Variants in CP observed in about 807,000 individuals in gnomAD.
CP encodes the protein caeruloplasmin.
A neutral mutation model predicts 122.4 loss-of-function variants in CP; 64 were observed. The ratio of observed to expected loss-of-function variants is 0.52; its 90% CI spans 0.43 to 0.64. CP has a LOEUF of 0.64. Among genes scored for constraint, CP ranks in the 30% least tolerant of loss-of-function variants. The pLI is 0.00. For synonymous variants in CP, 440 were observed against 436.4 expected, an observed-to-expected ratio of 1.01 and a Z score of -0.10; for missense variants, 1,167 against 1,284.4, an observed-to-expected ratio of 0.91 and a Z score of 1.40.
Position 149,167,125 on chromosome 3 carries a change from A to G in CP, c.587-1075T>C, listed in dbSNP as rs1724502645. 6.2e-7 allele frequency: 1 copy of G among 1,613,840 alleles called. No homozygotes were observed. Among genetic ancestry groups the G allele is most frequent in the African/African-American group, 1.3e-5 (1 of 75,040 alleles). On this transcript the variant is annotated intron_variant, in intron 4 of 5. Transcript: ENST00000479771. ...GACACTATTGCCGGCCTCAGTGTCCATGTTCTGTGTCGTACACGCTTGAAA... is the reference window on the plus strand; with the variant it reads ...GACACTATTGCCGGCCTCAGTGTCCGTGTTCTGTGTCGTACACGCTTGAAA...
chr3:149,171,482 A>G (rs1724983639), downstream of CP, among the ~76,000 whole-genome samples: 1 of 152,192 alleles, frequency 6.6e-6, no homozygotes, highest in South Asian at 2.1e-4. Flanking sequence ...TATTCAAATG[A>G]TTGTACTTTT....
chr3:149,217,615 C>T (rs937569319), intron 1 of CP, among the ~76,000 whole-genome samples: 2 of 152,208 alleles, frequency 1.3e-5, no homozygotes, highest in African/African-American at 2.4e-5. Context: ...CACCCAATTG[C>T]TGTGGCTGAA....
intron 1 of CP, among the ~76,000 whole-genome samples, chr3:149,217,589 G>T (rs550065137): frequency 9.9e-5 from 15 of 152,260 alleles, no homozygotes; most frequent in African/African-American, 3.6e-4. Context: ...TGACAGAACT[G>T]CTTGTGGTCT....
chr3:149,178,567 T>C lies in CP; in HGVS notation c.2726A>G (p.Asn909Ser), dbSNP rs752627730. ...GGCAAATTCCAGTTTCCTTCTGGGA[T>C]TGAATACTTTCAAGTAAGGTCTTCG... is the stretch of plus-strand genomic sequence containing the variant. Reference protein sequence around the residue: ...VCRRPYLKVFNPRRKLEFALL... With the variant: ...VCRRPYLKVFSPRRKLEFALL... Residue 909 changes from asparagine (N) to serine (S), a missense_variant, in exon 16 of 19, where the codon AAT becomes AGT. Asn to Ser is a conservative substitution (Grantham distance 46). This residue lies in a region of CP where 525 missense variants were observed against 657.2 expected (regional missense o/e 0.80). Transcript: ENST00000264613. 9 of 1,613,576 alleles carry C rather than the reference T, an allele frequency of 5.6e-6. No homozygotes were observed. Among genetic ancestry groups the C allele is most frequent in the Non-Finnish European group, 7.6e-6 (9 of 1,179,698 alleles).
Position 149,181,986 on chromosome 3 carries a change from CCCCCG to C in CP, c.2554+14_2554+18del. ...AGCCTGTTAAAATGCACCACCCCCA[CCCCCG>C]CCCCCGTGAGTACCTGGTAATGTTG... On this transcript the variant is annotated intron_variant, in intron 14 of 18. Transcript: ENST00000264613. 1.7e-6 allele frequency: 1 copy of C among 586,878 alleles called. No individual in the cohort carries two copies. Among genetic ancestry groups the C allele is most frequent in the Non-Finnish European group, 3.1e-6 (1 of 319,262 alleles). 36.4% of individuals were successfully genotyped at this position (586,878 alleles called of 1,614,324 possible). A position where few individuals can be genotyped will look rare whatever the true frequency, so the allele number is the denominator to read the frequency against.
At chr3:149,176,543 G>T (rs1576725942) in intron 17 of CP, 131 bp from the exon 18 acceptor site, 1 of 734,582 alleles carries the variant, frequency 1.4e-6, no homozygotes, top group East Asian at 2.7e-5. Flanking sequence ...GCTCGTTTCT[G>T]TGTTTAATAC....
intron 9 of CP, 102 bp downstream of exon 9, chr3:149,198,265 A>C: frequency 1.1e-6 from 1 of 894,686 alleles, no homozygotes; most frequent in Non-Finnish European, 1.8e-6. Flanking sequence ...GGTATATACT[A>C]AAGTATTTTT....
At chr3:149,179,037 G>A (rs191436307) in intron 15 of CP, among the ~76,000 whole-genome samples, 2 of 152,076 alleles carry the variant, frequency 1.3e-5, no homozygotes, top group Non-Finnish European at 1.5e-5. Context: ...ACAAATACCA[G>A]ATTTACTCAT....
downstream of CP, among the ~76,000 whole-genome samples, chr3:149,169,038 CGTGTGTGT>C (rs34076994): frequency 6.7e-6 from 1 of 149,702 alleles, no homozygotes; most frequent in Non-Finnish European, 1.5e-5. Flanking sequence ...TGTGTGCATA[CGTGTGTGT>C]GTGTGTGTGT....
At chr3:149,203,306 CA>C (rs11347585) in intron 6 of CP, among the ~76,000 whole-genome samples, 30,583 of 152,024 alleles carry the variant, frequency 0.2, 3,204 homozygotes, top group South Asian at 0.24. Flanking sequence ...CTCTCTTGCC[CA>C]AGCTGGAGTG....
At chr3:149,194,795 C>G in intron 9 of CP, among the ~76,000 whole-genome samples, 1 of 152,046 alleles carries the variant, frequency 6.6e-6, no homozygotes, top group Non-Finnish European at 1.5e-5. Context: ...CACTATCAAG[C>G]CTTTTTTCTG....
intron 1 of CP, among the ~76,000 whole-genome samples, chr3:149,218,638 C>T (rs1053127726): frequency 6.6e-6 from 1 of 152,134 alleles, no homozygotes; most frequent in African/African-American, 2.4e-5. Context: ...ATGAATCTCT[C>T]CACATGAGGA....
chr3:149,210,906 T>A (rs908634292), intron 2 of CP, among the ~76,000 whole-genome samples: 46 of 152,142 alleles, frequency 3.0e-4, no homozygotes, highest in African/African-American at 9.4e-4. Flanking sequence ...ATCCCCAGTA[T>A]CATCAAATTA....
rs779853634 is a variant in CP at position 149,198,396 on chromosome 3, T to C, written c.1684A>G (p.Lys562Glu). 17 of 1,614,006 alleles carry C rather than the reference T, an allele frequency of 1.1e-5. No homozygotes were observed. The East Asian group carries it at 3.8e-4, about 36-fold the overall frequency. ...GLIGPMKICK[K>E]GSLHANGRQK... ...CTCCCATTTGCATGTAAACTTCCTT[T>C]CTTGCATATTTTCATTGGCCCAATA... is the stretch of plus-strand genomic sequence containing the variant. Residue 562 changes from lysine (K) to glutamate (E), a missense_variant, in exon 9 of 19, where the codon AAA becomes GAA. Lys to Glu is a moderately conservative substitution (Grantham distance 56). Around this residue, in one of 2 missense-constraint regions of CP, gnomAD observed 525 missense variants for 657.2 expected, o/e 0.80. Transcript: ENST00000264613.
At position 149,210,305 on chromosome 3, in the gene CP, A is replaced by G. The variant is rs1428076937; in HGVS notation, c.469T>C (p.Tyr157His). The G allele has an allele frequency of 6.2e-7, 1 of 1,614,108 alleles. No individual in the cohort carries two copies. Among genetic ancestry groups the G allele is most frequent in the Non-Finnish European group, 8.5e-7 (1 of 1,179,968 alleles). ...DKVYPGEQYT[Y>H]MLLATEEQSP... is the part of the protein sequence containing the mutation. The stretch of plus-strand genomic sequence containing the variant: ...TGTTCTTCAGTGGCAAGCAACATGT[A>G]TGTATACTGCTCTCCTGGATATACT... Residue 157 changes from tyrosine to histidine, a missense_variant, in exon 3 of 19, where the codon TAC becomes CAC. By Grantham distance (83) the Tyr-to-His change is moderately conservative (BLOSUM62 2). This residue lies in a region of CP where 642 missense variants were observed against 627.3 expected (regional missense o/e 1.02). Transcript: ENST00000264613.
chr3:149,163,679 TC>T (rs1441485370), intron 5 of CP, among the ~76,000 whole-genome samples: 1 of 152,212 alleles, frequency 6.6e-6, no homozygotes, highest in African/African-American at 2.4e-5. Flanking sequence ...TGAAATATTT[TC>T]CAGGGGAAAA....
At chr3:149,212,818 C>T in intron 1 of CP, 120 bp from the exon 2 acceptor site, 1 of 1,263,090 alleles carries the variant, frequency 7.9e-7, no homozygotes, top group Non-Finnish European at 1.1e-6. Flanking sequence ...TGAATGTTTG[C>T]CTGTTGTAGG....
intron 5 of CP, among the ~76,000 whole-genome samples, chr3:149,165,518 G>A (rs1217001440): frequency 6.6e-6 from 1 of 150,976 alleles, no homozygotes; most frequent in Non-Finnish European, 1.5e-5. Context: ...TCACTCTATT[G>A]CCCAGATTGG....
rs749093380 is a variant in CP, at chr3:149,198,443, G to A, written c.1637C>T (p.Thr546Ile). Residue 546 changes from threonine (T) to isoleucine (I), a missense_variant, in exon 9 of 19, where the codon ACT becomes ATT. Transcript: ENST00000264613. ...AKMYYSAVEP[T>I]KDIFTGLIGP... ...AATAAGCCCAGTGAATATATCTTTAGTGGGTTCCACAGCAGAATAATACAT... is the reference window on the plus strand; with the variant it reads ...AATAAGCCCAGTGAATATATCTTTAATGGGTTCCACAGCAGAATAATACAT... 2 of 1,612,332 alleles carry A rather than the reference G, an allele frequency of 1.2e-6. No homozygotes were observed. Among genetic ancestry groups the A allele is most frequent in the Non-Finnish European group, 1.7e-6 (2 of 1,178,428 alleles).
Sources: gnomAD v4.1 joint callset for allele counts (sites outside exome capture counted in the v4.1 genomes callset) on GRCh38, gnomAD v4.1.1 for gene constraint, gnomAD v4.1.1 regional missense constraint, MANE v1.5 for transcripts, NCBI Gene and HGNC (gene_info 2026-07-23, HGNC 2026-07-21) for gene names.